Variants in INSL6 observed in about 807,000 individuals in gnomAD.
INSL6 encodes the protein insulin like 6, also known as insulin-like peptide INSL6.
INSL6 carries 16 observed loss-of-function variants against 9.4 expected under a neutral mutation model. That is an observed-to-expected ratio of 1.70 (90% CI 1.15 to 2.59). INSL6 has a LOEUF of 2.59. Ranked by LOEUF, INSL6 falls within the 30% of genes most tolerant of loss-of-function variation. The pLI, the probability that INSL6 is intolerant of heterozygous loss-of-function variation, is 0.00. For synonymous variants in INSL6, 154 were observed against 96.9 expected, an observed-to-expected ratio of 1.59 and a Z score of -3.46; for missense variants, 391 against 257.3, an observed-to-expected ratio of 1.52 and a Z score of -3.56.
At chr9:5,135,697 A>G (rs1374861546) in intron 2 of INSL6, among the ~76,000 whole-genome samples, 3 of 152,332 alleles carry the variant, frequency 2.0e-5, no homozygotes, top group East Asian at 1.9e-4. Flanking sequence ...ACACCCTAAC[A>G]TCACAATTAA....
intron 2 of INSL6, among the ~76,000 whole-genome samples, chr9:5,153,860 A>G (rs1257788424): frequency 2.0e-5 from 3 of 152,240 alleles, no homozygotes; most frequent in Non-Finnish European, 1.5e-5. Flanking sequence ...ATGCTCATGG[A>G]TAGAAAGAAT....
chr9:5,149,383 C>T (rs150023843), intron 2 of INSL6, among the ~76,000 whole-genome samples: 7 of 152,042 alleles, frequency 4.6e-5, no homozygotes, highest in African/African-American at 1.7e-4. Context: ...TTCACAGCTG[C>T]ATCTACTCAG....
the INSL6 span, among the ~76,000 whole-genome samples, chr9:5,017,169 A>G: frequency 6.6e-6 from 1 of 152,234 alleles, no homozygotes; most frequent in Non-Finnish European, 1.5e-5. Flanking sequence ...TTCTGGGGAA[A>G]GAAAATTATA....
intron 2 of INSL6, among the ~76,000 whole-genome samples, chr9:5,144,953 C>G (rs1429838996): frequency 6.6e-6 from 1 of 152,080 alleles, no homozygotes; most frequent in Non-Finnish European, 1.5e-5. Context: ...GGGCATTTAG[C>G]CCATTTATAT....
chr9:5,051,555 G>A, the INSL6 span, among the ~76,000 whole-genome samples: 1 of 152,074 alleles, frequency 6.6e-6, no homozygotes, highest in Admixed American at 6.5e-5. Flanking sequence ...TATACAAATG[G>A]TCCAAACTCT....
chr9:5,078,141 G>A, the INSL6 span, among the ~76,000 whole-genome samples: 1 of 152,194 alleles, frequency 6.6e-6, no homozygotes. Context: ...ATGTAAAACA[G>A]GAAGCATAGG....
intron 1 of INSL6, among the ~76,000 whole-genome samples, chr9:5,173,946 C>T (rs371711741): frequency 4.6e-5 from 7 of 152,188 alleles, no homozygotes; most frequent in African/African-American, 1.2e-4. Context: ...GAACTTGCAT[C>T]GACTCCCTTT....
At position 5,158,837 on chromosome 9, in the gene INSL6, C is replaced by T. The variant is rs573098885; in HGVS notation, c.376+5342G>A. On this transcript the variant is annotated intron_variant, in intron 2 of 3. Coordinates refer to the INSL6 transcript ENST00000649639. ...ACACTAACTGGTAATAGTAGGTACA[C>T]AGAAAAAAAATAAAATATTATAACT... Among the ~76,000 whole-genome samples the T allele has an allele frequency of 1.2e-4, 18 of 151,632 alleles. No homozygotes were observed. The East Asian group carries it at 2.9e-3, about 24-fold the overall frequency.
At chr9:5,065,123 A>G in the INSL6 span, 3 of 830,396 alleles carry the variant, frequency 3.6e-6, 1 homozygote, top group South Asian at 1.3e-4. Context: ...TGATACATGT[A>G]TGTTTAGAAA....
At chr9:5,041,888 G>T in the INSL6 span, 7 of 423,800 alleles carry the variant, frequency 1.7e-5, no homozygotes, top group African/African-American at 1.5e-4. Flanking sequence ...GCGCCCATCA[G>T]GGCGCCTGCA....
chr9:5,168,677 A>G (rs1029748871), intron 1 of INSL6, among the ~76,000 whole-genome samples: 1 of 151,706 alleles, frequency 6.6e-6, no homozygotes, highest in Non-Finnish European at 1.5e-5. Context: ...CATCCAGGAG[A>G]ATTTCCCCAA....
At chr9:5,143,291 C>T (rs62541899) in intron 2 of INSL6, among the ~76,000 whole-genome samples, 36,641 of 151,152 alleles carry the variant, frequency 0.24, 4,886 homozygotes, top group South Asian at 0.3. Context: ...TTATACATCT[C>T]GTATAATTCA....
chr9:5,145,119 T>A (rs752833162), intron 2 of INSL6, among the ~76,000 whole-genome samples: 3 of 152,232 alleles, frequency 2.0e-5, no homozygotes, highest in Non-Finnish European at 4.4e-5. Context: ...CCTTTCCATA[T>A]TTAGTCCCTC....
At chr9:5,174,202 C>T (rs2130914832) in intron 1 of INSL6, among the ~76,000 whole-genome samples, 1 of 152,214 alleles carries the variant, frequency 6.6e-6, no homozygotes, top group East Asian at 1.9e-4. Flanking sequence ...ACACACAAAC[C>T]CAAACACATT....
the INSL6 span, among the ~76,000 whole-genome samples, chr9:5,020,091 A>C: frequency 6.6e-6 from 1 of 152,116 alleles, no homozygotes; most frequent in African/African-American, 2.4e-5. Flanking sequence ...GCCCCTGGGC[A>C]GTGAGCATGG....
chr9:5,108,372 T>C, the INSL6 span: 29 of 152,138 alleles, frequency 1.9e-4, no homozygotes, highest in Admixed American at 3.9e-4. Context: ...ATATTTCCTA[T>C]TGTACACACT....
At chr9:5,089,707 G>C in the INSL6 span, 1 of 1,501,754 alleles carries the variant, frequency 6.7e-7, no homozygotes, top group East Asian at 2.5e-5. Context: ...GTGCCGGTAT[G>C]ACCCTCTACA....
the INSL6 span, among the ~76,000 whole-genome samples, chr9:5,082,589 A>T: frequency 6.6e-6 from 1 of 152,214 alleles, no homozygotes; most frequent in South Asian, 2.1e-4. Flanking sequence ...CCCTTCACGG[A>T]TGTTGGGCTG....
chr9:5,111,266 C>T, the INSL6 span: 1 of 499,656 alleles, frequency 2.0e-6, no homozygotes, highest in Admixed American at 2.4e-5. Flanking sequence ...GCGTGCGCAG[C>T]CTGACTCAGG....
Sources: gnomAD v4.1 joint callset for allele counts (sites outside exome capture counted in the v4.1 genomes callset) on GRCh38, gnomAD v4.1.1 for gene constraint, MANE v1.5 for transcripts, NCBI Gene and HGNC (gene_info 2026-07-23, HGNC 2026-07-21) for gene names.